The following TRMT61B variants were observed in gnomAD, a reference collection of about 807,000 sequenced individuals.
The protein encoded by TRMT61B is tRNA methyltransferase 61B.
Under a neutral mutation model 52.0 loss-of-function variants are expected in TRMT61B, and 56 were observed. That is an observed-to-expected ratio of 1.08 (90% confidence interval 0.87 to 1.35). The LOEUF (loss-of-function observed/expected upper bound fraction) is 1.35. Ranked by LOEUF, TRMT61B falls within the 40% of genes most tolerant of loss-of-function variation. The pLI, the probability that TRMT61B is intolerant of heterozygous loss-of-function variation, is 0.00. For missense variants in TRMT61B, 650 were observed against 577.9 expected (o/e 1.12, Z -1.28); for synonymous variants, 206 against 220.0 (o/e 0.94, Z 0.56).
chr2:28,853,356 A>G (rs1178248164), intron 3 of TRMT61B, among the ~76,000 whole-genome samples: 3 of 151,956 alleles, frequency 2.0e-5, no homozygotes, highest in Admixed American at 6.6e-5. Flanking sequence ...TTTGTATATT[A>G]TGTAGATACA....
intron 1 of TRMT61B, among the ~76,000 whole-genome samples, chr2:28,866,219 G>A (rs1379663788): frequency 1.3e-5 from 2 of 152,030 alleles, no homozygotes; most frequent in African/African-American, 4.8e-5. Flanking sequence ...TCAAACTCCT[G>A]ATTTCAGGTG....
At chr2:28,868,867 G>A in intron 1 of TRMT61B, among the ~76,000 whole-genome samples, 1 of 152,152 alleles carries the variant, frequency 6.6e-6, no homozygotes, top group East Asian at 1.9e-4. Flanking sequence ...AGCCCGGGGT[G>A]GTGGTGCATG....
chr2:28,855,832 A>G (rs1215048360), intron 3 of TRMT61B, among the ~76,000 whole-genome samples: 3 of 152,156 alleles, frequency 2.0e-5, no homozygotes, highest in Non-Finnish European at 4.4e-5. Flanking sequence ...TTAGCTGGGC[A>G]TGGTGGCGGG....
intron 1 of TRMT61B, among the ~76,000 whole-genome samples, chr2:28,868,979 G>C (rs141074021): frequency 1.3e-5 from 2 of 152,172 alleles, no homozygotes; most frequent in African/African-American, 2.4e-5. Flanking sequence ...ACTCCAGCCT[G>C]GATGACAGAG....
Position 28,869,728 on chromosome 2 carries a change from A to G in TRMT61B, c.550T>C (p.Trp184Arg). ...ATCTTGCCGAACGGGACTGCCCCCCAGTTACTATTTAAGAGTCCGAAGTTG... is the reference window on the plus strand; with the variant it reads ...ATCTTGCCGAACGGGACTGCCCCCCGGTTACTATTTAAGAGTCCGAAGTTG... ...LNNFGLLNSN[W>R]GAVPFGKIVG... is the part of the protein sequence containing the mutation. Residue 184 changes from tryptophan to arginine, a missense_variant, in exon 1 of 7, where the codon TGG becomes CGG. Physicochemically the swap from Trp to Arg is moderately radical, Grantham distance 101. Coordinates refer to ENST00000306108, the MANE Select transcript of TRMT61B (RefSeq NM_017910.4). 1 of 1,614,114 alleles carries G rather than the reference A, an allele frequency of 6.2e-7. No individual in the cohort carries two copies. Among genetic ancestry groups the G allele is most frequent in the Non-Finnish European group, 8.5e-7 (1 of 1,180,008 alleles).
intron 3 of TRMT61B, among the ~76,000 whole-genome samples, chr2:28,853,540 G>C (rs1669212482): frequency 6.6e-6 from 1 of 152,120 alleles, no homozygotes; most frequent in Non-Finnish European, 1.5e-5. Flanking sequence ...TTTGGCAACA[G>C]AAATTCACAT....
intron 3 of TRMT61B, among the ~76,000 whole-genome samples, chr2:28,853,835 C>CA (rs35660212): frequency 0.65 from 96,517 of 149,396 alleles, 31,157 homozygotes; most frequent in East Asian, 0.81. Flanking sequence ...GATTCTGTCT[C>CA]AAAAAAAAAA....
rs1219767985 is a variant in TRMT61B, at chr2:28,861,290, A to T, written c.821T>A (p.Val274Asp). ...LSKAVGSQGRVISFEVRKDHH... is the reference protein window; with the variant it reads ...LSKAVGSQGRDISFEVRKDHH... ...GTCTTTTCGTACCTCAAAACTTATGACTCGTCCTTGTGATCCAACTTAAGT... is the reference window on the plus strand; with the variant it reads ...GTCTTTTCGTACCTCAAAACTTATGTCTCGTCCTTGTGATCCAACTTAAGT... The change falls in exon 3 of 7, where the codon GTC becomes GAC. Residue 274 changes from valine to aspartate, a missense_variant. Coordinates refer to ENST00000306108, the MANE Select transcript of TRMT61B (RefSeq NM_017910.4). The T allele has an allele frequency of 3.1e-6, 5 of 1,591,936 alleles. No homozygotes were observed. Among genetic ancestry groups the T allele is most frequent in the African/African-American group, 1.4e-5 (1 of 73,678 alleles).
In TRMT61B at chr2:28,869,248, G is replaced by T. The variant is rs572760255; in HGVS notation, c.699+331C>A. ...GTTCAACATTCTCTTGAGTCCTGAAGTTATAAACTTAAGAGTAATGGGGAA... is the reference window on the plus strand; with the variant it reads ...GTTCAACATTCTCTTGAGTCCTGAATTTATAAACTTAAGAGTAATGGGGAA... On this transcript the variant is annotated intron_variant, in intron 1 of 6. Coordinates refer to ENST00000306108, the MANE Select transcript of TRMT61B (RefSeq NM_017910.4). Among the ~76,000 whole-genome samples, 112 of 152,222 alleles carry T rather than the reference G, an allele frequency of 7.4e-4. 1 individual carries two copies. The highest frequency in any genetic ancestry group is 2.5e-3 in the African/African-American group (102 of 41,530).
rs555261204 is a variant in TRMT61B, at chr2:28,869,953, G to A, written c.325C>T (p.Gln109Ter). The part of the protein sequence containing the change: ...PRELEDSSGD[Q>*]GRCGPTHQGS... The stretch of plus-strand genomic sequence containing the variant: ...TGGTGTGTGGGACCGCACCGGCCCT[G>A]GTCTCCGCTCGAGTCCTCGAGCTCT... The change falls in exon 1 of 7, where the codon CAG becomes TAG. Residue 109 changes from glutamine (Q) to a stop codon, truncating the protein, a stop_gained. Transcript: ENST00000306108. LOFTEE classifies it high-confidence loss of function. 1 of 1,613,874 alleles carries A rather than the reference G, an allele frequency of 6.2e-7. No individual in the cohort carries two copies. The highest frequency in any genetic ancestry group is 8.5e-7 in the Non-Finnish European group (1 of 1,180,016).
rs1670034897 is a variant in TRMT61B, at chr2:28,870,302, A to G, written c.-25T>C. On this transcript the variant is annotated 5_prime_UTR_variant, in exon 1 of 7. Coordinates refer to ENST00000306108, the MANE Select transcript of TRMT61B (RefSeq NM_017910.4). ...TAGTGTTTCGCGAAGGCGCCGTCGCAGACGAGTGACGCAAGCCTAGCGCGA... is the reference window on the plus strand; with the variant it reads ...TAGTGTTTCGCGAAGGCGCCGTCGCGGACGAGTGACGCAAGCCTAGCGCGA... 1 of 1,512,754 alleles carries G rather than the reference A, an allele frequency of 6.6e-7. No individual in the cohort carries two copies. Among genetic ancestry groups the G allele is most frequent in the African/African-American group, 1.4e-5 (1 of 72,262 alleles). The allele number at this position is 1,512,754 out of a possible 1,614,324, so 93.7% of individuals were successfully genotyped here.
At chr2:28,858,739 G>A (rs1192458270) in intron 3 of TRMT61B, among the ~76,000 whole-genome samples, 91 of 126,372 alleles carry the variant, frequency 7.2e-4, no homozygotes, top group African/African-American at 2.7e-3. Context: ...AGGTTGCAGT[G>A]AGCCAAGATC....
intron 3 of TRMT61B, among the ~76,000 whole-genome samples, chr2:28,856,804 T>C (rs897948991): frequency 2.6e-5 from 4 of 151,962 alleles, no homozygotes; most frequent in Admixed American, 2.6e-4. Flanking sequence ...CCAACTAATT[T>C]TTTTTTATCT....
chr2:28,869,926 C>G lies in TRMT61B; in HGVS notation c.352G>C (p.Gly118Arg). Residue 118 changes from glycine to arginine, a missense_variant, in exon 1 of 7, where the codon GGA becomes CGA. Transcript: ENST00000306108. ...DQGRCGPTHQ[G>R]SEDPSMLSQA... ...GAGAGCATCGAAGGATCCTCGGATC[C>G]CTGGTGTGTGGGACCGCACCGGCCC... 1 of 1,613,848 alleles carries G rather than the reference C, an allele frequency of 6.2e-7. No individual in the cohort carries two copies. The highest frequency in any genetic ancestry group is 8.5e-7 in the Non-Finnish European group (1 of 1,179,936).
chr2:28,855,712 T>TTTGGGAGGTTTGGG (rs1669311989), intron 3 of TRMT61B, among the ~76,000 whole-genome samples: 1 of 152,196 alleles, frequency 6.6e-6, no homozygotes, highest in African/African-American at 2.4e-5. Context: ...CTCACACCTG[T>TTTGGGAGGTTTGGG]AATCCAAGCA....
At position 28,855,142 on chromosome 2, in the gene TRMT61B, C is replaced by T. The variant is rs1669289021; in HGVS notation, c.994-2643G>A. ...CTACTTGGGGAGTCTGTTGAGGCCA[C>T]TGTCACTGCAGTGGAGATAAAAGGG... is the stretch of plus-strand genomic sequence containing the variant. On this transcript the variant is annotated intron_variant, in intron 3 of 6. Transcript: ENST00000306108. Among the ~76,000 whole-genome samples the T allele has an allele frequency of 2.6e-5, 4 of 152,102 alleles. No individual in the cohort carries two copies. The South Asian group carries it at 8.3e-4, about 32-fold the overall frequency.
intron 2 of TRMT61B, among the ~76,000 whole-genome samples, 160 bp downstream of exon 2, chr2:28,864,857 T>C (rs1303814325): frequency 6.6e-6 from 1 of 152,144 alleles, no homozygotes; most frequent in African/African-American, 2.4e-5. Flanking sequence ...CTGGAATAAA[T>C]GTACAGAATG....
Position 28,863,373 on chromosome 2 carries a change from G to A in TRMT61B, c.802+1644C>T, listed in dbSNP as rs139714826. Among the ~76,000 whole-genome samples, 202 of 151,060 alleles carry A rather than the reference G, an allele frequency of 1.3e-3. 1 individual carries two copies. Among genetic ancestry groups the A allele is most frequent in the Non-Finnish European group, 2.3e-3 (158 of 67,884 alleles). On this transcript the variant is annotated intron_variant, in intron 2 of 6. Transcript: ENST00000306108. The stretch of plus-strand genomic sequence containing the variant: ...TTGAGTTCCGAGGGTCAAGGCTGTA[G>A]TGAGCCACGATCATACCACTGCATT...
chr2:28,853,864 T>C (rs1669228936), intron 3 of TRMT61B, among the ~76,000 whole-genome samples: 1 of 152,052 alleles, frequency 6.6e-6, no homozygotes, highest in African/African-American at 2.4e-5. Context: ...CCTTATTTCC[T>C]CTTTATTCTT....
Sources: gnomAD v4.1 joint callset for allele counts (sites outside exome capture counted in the v4.1 genomes callset) on GRCh38, gnomAD v4.1.1 for gene constraint, MANE v1.5 for transcripts, NCBI Gene and HGNC (gene_info 2026-07-23, HGNC 2026-07-21) for gene names.